Variants in MAGI2 observed in about 807,000 individuals in gnomAD.
The protein encoded by MAGI2 is membrane-associated guanylate kinase, WW and PDZ domain-containing protein 2.
A neutral mutation model predicts 133.3 loss-of-function variants in MAGI2; 35 were observed. That is an observed-to-expected ratio of 0.26 (90% CI 0.20 to 0.35). The LOEUF is 0.35. Among genes scored for constraint, MAGI2 ranks in the 10% least tolerant of loss-of-function variants. MAGI2 has a pLI of 1.00. For missense variants in MAGI2, 1,636 were observed against 1,863.4 expected, an observed-to-expected ratio of 0.88 and a Z score of 2.25; for synonymous variants, 729 against 710.6, an observed-to-expected ratio of 1.03 and a Z score of -0.41.
At chr7:78,806,160 G>A (rs756674873) in intron 2 of MAGI2, among the ~76,000 whole-genome samples, 34 of 152,096 alleles carry the variant, frequency 2.2e-4, no homozygotes, top group Non-Finnish European at 2.4e-4. Flanking sequence ...GCTTATAGAG[G>A]AAGAGCTTTG....
At chr7:79,038,794 A>G (rs1811349775) in intron 1 of MAGI2, among the ~76,000 whole-genome samples, 1 of 152,116 alleles carries the variant, frequency 6.6e-6, no homozygotes, top group Non-Finnish European at 1.5e-5. Context: ...CCTTGCCTGC[A>G]TTGTTTTTAA....
chr7:79,356,237 A>G (rs1164628465), intron 1 of MAGI2, among the ~76,000 whole-genome samples: 1 of 152,166 alleles, frequency 6.6e-6, no homozygotes, highest in Non-Finnish European at 1.5e-5. Flanking sequence ...ATAGAGCCAG[A>G]ACTTCAAACA....
chr7:78,823,174 C>T (rs994553148), intron 2 of MAGI2, among the ~76,000 whole-genome samples: 3 of 152,074 alleles, frequency 2.0e-5, no homozygotes, highest in South Asian at 2.1e-4. Context: ...TAGATAAGTT[C>T]GTAGTAGGTA....
At chr7:78,481,602 A>G in intron 6 of MAGI2, among the ~76,000 whole-genome samples, 1 of 151,914 alleles carries the variant, frequency 6.6e-6, no homozygotes, top group African/African-American at 2.4e-5. Context: ...GGATAAACCC[A>G]TAGATGAACA....
At chr7:78,690,690 G>T (rs1411358731) in intron 2 of MAGI2, among the ~76,000 whole-genome samples, 1 of 152,166 alleles carries the variant, frequency 6.6e-6, no homozygotes, top group African/African-American at 2.4e-5. Context: ...TGTCCCTACA[G>T]ATGTCTCATT....
At chr7:78,633,431 G>C (rs1429755156) in intron 2 of MAGI2, among the ~76,000 whole-genome samples, 1 of 151,878 alleles carries the variant, frequency 6.6e-6, no homozygotes, top group Non-Finnish European at 1.5e-5. Flanking sequence ...AATGGCTGGG[G>C]GCGGTGGTTC....
chr7:78,540,476 G>C (rs1798319970), intron 3 of MAGI2, among the ~76,000 whole-genome samples: 1 of 152,144 alleles, frequency 6.6e-6, no homozygotes, highest in Non-Finnish European at 1.5e-5. Flanking sequence ...CGGTGAGCAG[G>C]GCTGACATCT....
intron 1 of MAGI2, among the ~76,000 whole-genome samples, chr7:79,332,104 G>C (rs1840124415): frequency 6.6e-6 from 1 of 152,086 alleles, no homozygotes. Context: ...TCGTTAGTTA[G>C]GTACTATTAA....
intron 1 of MAGI2, among the ~76,000 whole-genome samples, chr7:79,039,956 G>A (rs1811504032): frequency 6.6e-6 from 1 of 150,982 alleles, no homozygotes. Flanking sequence ...GGATGAGCCT[G>A]GAGGACATTA....
chr7:78,463,797 T>C (rs1790330022), intron 6 of MAGI2, among the ~76,000 whole-genome samples: 2 of 152,288 alleles, frequency 1.3e-5, no homozygotes, highest in Middle Eastern at 3.4e-3. Flanking sequence ...AGTAGTGTTT[T>C]AGTCAATGTT....
At chr7:78,723,627 G>A (rs1820479441) in intron 2 of MAGI2, among the ~76,000 whole-genome samples, 1 of 152,184 alleles carries the variant, frequency 6.6e-6, no homozygotes, top group African/African-American at 2.4e-5. Flanking sequence ...GCAAGAGGGT[G>A]TAGAGTGAGG....
At chr7:79,382,577 C>CCATTTGCAT (rs1843868274) in intron 1 of MAGI2, among the ~76,000 whole-genome samples, 1 of 151,416 alleles carries the variant, frequency 6.6e-6, no homozygotes, top group Non-Finnish European at 1.5e-5. Context: ...CCTCAGCTTC[C>CCATTTGCAT]CATTTGCATA....
intron 6 of MAGI2, among the ~76,000 whole-genome samples, chr7:78,443,752 A>T (rs1787854794): frequency 6.6e-6 from 1 of 152,148 alleles, no homozygotes. Flanking sequence ...TAATCTGTAC[A>T]TCAGACTATG....
chr7:78,996,640 C>T (rs1452835799), intron 2 of MAGI2, among the ~76,000 whole-genome samples: 3 of 152,076 alleles, frequency 2.0e-5, no homozygotes, highest in African/African-American at 7.2e-5. Flanking sequence ...CAAAACGGCA[C>T]TTGTATCCCT....
intron 6 of MAGI2, among the ~76,000 whole-genome samples, chr7:78,461,418 G>GTGTGTGTT (rs1790003773): frequency 6.7e-6 from 1 of 148,778 alleles, no homozygotes; most frequent in Admixed American, 6.7e-5. Context: ...GTGTGTGTGT[G>GTGTGTGTT]TGTGTGTTGG....
chr7:79,077,544 CA>C (rs1344989546), intron 1 of MAGI2, among the ~76,000 whole-genome samples: 1 of 132,836 alleles, frequency 7.5e-6, no homozygotes, highest in Non-Finnish European at 1.5e-5. Flanking sequence ...CACTGCACTC[CA>C]GCCTGGGCAA....
rs571462674 is a variant in MAGI2 at position 79,127,720 on chromosome 7, T to A, written c.302-120514A>T. 8.6e-3 allele frequency among the ~76,000 whole-genome samples: 1,305 copies of A among 152,326 alleles called. 22 individuals carry two copies. The highest frequency in any genetic ancestry group is 0.03 in the African/African-American group (1,231 of 41,580). Reference sequence around the variant, plus strand: ...ATTAGCCCTTTGTCAGATGAGTAGGTTGCAAAAATTTTCTCCCATTCTGTA... The same window carrying A: ...ATTAGCCCTTTGTCAGATGAGTAGGATGCAAAAATTTTCTCCCATTCTGTA... On this transcript the variant is annotated intron_variant, in intron 1 of 21. Transcript: ENST00000354212.
chr7:78,998,998 A>G (rs1243908853), intron 2 of MAGI2, among the ~76,000 whole-genome samples: 1 of 152,072 alleles, frequency 6.6e-6, no homozygotes, highest in African/African-American at 2.4e-5. Flanking sequence ...AAAACTGTTG[A>G]CTGGCTTTTC....
rs564650539 is a variant in MAGI2 at position 78,560,618 on chromosome 7, T to A, written c.539-38973A>T. ...TTCAAAAGACAGGTGTTACAGAAAT[T>A]GAACCTTTATTTTTATGAGAGCATC... On this transcript the variant is annotated intron_variant, in intron 3 of 21. Coordinates refer to ENST00000354212, the MANE Select transcript of MAGI2 (RefSeq NM_012301.4). Among the ~76,000 whole-genome samples, 117 of 152,290 alleles carry A rather than the reference T, an allele frequency of 7.7e-4. 1 individual carries two copies. The highest frequency in any genetic ancestry group is 2.6e-3 in the African/African-American group (109 of 41,568).
Sources: allele counts gnomAD v4.1 joint callset (sites outside exome capture counted in the v4.1 genomes callset), GRCh38; gene constraint gnomAD v4.1.1; transcripts MANE v1.5; gene names NCBI Gene and HGNC (gene_info 2026-07-23, HGNC 2026-07-21).